NCBP2L: variants seen among roughly 807,000 people sequenced by gnomAD.
NCBP2L encodes nuclear cap-binding protein subunit 2-like.
For synonymous variants in NCBP2L, 39 were observed against 19.2 expected (o/e 2.04, Z -2.70); for missense variants, 95 against 53.1 (o/e 1.79, Z -2.45).
intron 1 of NCBP2L, among the ~76,000 whole-genome samples, chrX:107,782,264 TATATATATATAAATATATATAA>T (rs1930318395): frequency 6.5e-5 from 1 of 15,484 alleles, no homozygotes; most frequent in African/African-American, 7.6e-4. Context: ...TATATATAAA[TATATATATATAAATATATATAA>T]ATATATATAT....
intron 1 of NCBP2L, among the ~76,000 whole-genome samples, chrX:107,780,830 A>G (rs770323884): frequency 9.2e-6 from 1 of 109,123 alleles, no homozygotes; most frequent in African/African-American, 3.3e-5. Context: ...GGGTTGCTCC[A>G]TGTTGCCCAG....
chrX:107,785,047 A>AAG (rs1268882086), intron 1 of NCBP2L, among the ~76,000 whole-genome samples: 1 of 108,300 alleles, frequency 9.2e-6, no homozygotes, highest in African/African-American at 3.4e-5. Flanking sequence ...GAAAGAAAGA[A>AAG]AGAAGGAAAG....
intron 1 of NCBP2L, among the ~76,000 whole-genome samples, chrX:107,788,274 T>C (rs1015795530): frequency 8.9e-6 from 1 of 112,124 alleles, no homozygotes; most frequent in Admixed American, 9.4e-5. Context: ...AGCAGGTAGG[T>C]GTTCATTGCA....
intron 1 of NCBP2L, among the ~76,000 whole-genome samples, chrX:107,790,223 T>A (rs1359631411): frequency 8.9e-6 from 1 of 112,102 alleles, no homozygotes; most frequent in Non-Finnish European, 1.9e-5. Context: ...TAAGTATCTA[T>A]CTGAGATGTG....
rs747681088 is a variant in NCBP2L at position 107,787,996 on chromosome X, C to T, written c.-72-6153C>T. On this transcript the variant is annotated intron_variant, in intron 1 of 1. Transcript: ENST00000509000. Reference sequence around the variant, plus strand: ...CTTTATTTTGCCACCTCCTCTCCTCCGTCCTCTTAGGATTTTGACTGATCA... The same window carrying T: ...CTTTATTTTGCCACCTCCTCTCCTCTGTCCTCTTAGGATTTTGACTGATCA... Among the ~76,000 whole-genome samples, 16 of 112,284 alleles carry T rather than the reference C, an allele frequency of 1.4e-4. No individual in the cohort carries two copies. In the East Asian group the frequency reaches 4.4e-3, roughly 31 times the overall value.
intron 1 of NCBP2L, among the ~76,000 whole-genome samples, chrX:107,793,411 T>A (rs1336693872): frequency 1.8e-5 from 2 of 111,757 alleles, no homozygotes; most frequent in Admixed American, 1.9e-4. Flanking sequence ...TGCCTCCCTA[T>A]AATAACATTG....
chrX:107,794,602 T>A lies in NCBP2L; in HGVS notation c.382T>A (p.Ser128Thr), dbSNP rs770978458. 148 of 567,578 alleles carry A rather than the reference T, an allele frequency of 2.6e-4. 1 individual carries two copies. In the South Asian group the frequency reaches 3.2e-3, roughly 12 times the overall value. 46.8% of individuals were successfully genotyped at this position (567,578 alleles called of 1,213,427 possible). Residue 128 changes from serine (S) to threonine (T), a missense_variant, in exon 2 of 2, where the codon TCT (serine) becomes ACT (threonine). Physicochemically the swap from Ser to Thr is moderately conservative, Grantham distance 58 (BLOSUM62 1). Coordinates refer to ENST00000509000, the MANE Select transcript of NCBP2L (RefSeq NM_001348372.2). ...GGGTCAACAGTATGGTCGCGGTAAA[T>A]CTGGGGGTCAGGTAAGGGATGAGTT... is the stretch of plus-strand genomic sequence containing the variant. ...REGQQYGRGKSGGQVRDEFRE... is the reference protein window; with the variant it reads ...REGQQYGRGKTGGQVRDEFRE...
intron 1 of NCBP2L, among the ~76,000 whole-genome samples, chrX:107,782,274 T>A (rs1233165000): frequency 4.7e-5 from 1 of 21,256 alleles, no homozygotes; most frequent in Non-Finnish European, 6.1e-5. Context: ...TATATATATA[T>A]AAATATATAT....
intron 1 of NCBP2L, among the ~76,000 whole-genome samples, chrX:107,791,140 G>T (rs901333173): frequency 1.8e-5 from 2 of 112,442 alleles, no homozygotes; most frequent in African/African-American, 3.2e-5. Flanking sequence ...ATAAAGTAGA[G>T]GATGCCCCAC....
intron 1 of NCBP2L, among the ~76,000 whole-genome samples, chrX:107,787,722 G>A (rs914332467): frequency 2.7e-5 from 3 of 111,874 alleles, no homozygotes; most frequent in Non-Finnish European, 5.6e-5. Context: ...CACCCATTAG[G>A]AACAGTCTTA....
intron 1 of NCBP2L, among the ~76,000 whole-genome samples, chrX:107,789,126 T>A (rs2147807931): frequency 9.2e-6 from 1 of 108,906 alleles, no homozygotes; most frequent in East Asian, 2.9e-4. Flanking sequence ...CATTTTCCTG[T>A]CCTAACCCCA....
rs747673302 is a variant in NCBP2L, at chrX:107,788,745, G to C, written c.-72-5404G>C. 8.9e-5 allele frequency among the ~76,000 whole-genome samples: 10 copies of C among 111,826 alleles called. No homozygotes were observed. In the East Asian group the frequency reaches 2.5e-3, roughly 28 times the overall value. ...TCTAGTGAGTACCTACTTTGGGTCA[G>C]GTACCTAACATCAACTAGAAACCTC... is the stretch of plus-strand genomic sequence containing the variant. On this transcript the variant is annotated intron_variant, in intron 1 of 1. Transcript: ENST00000509000.
At chrX:107,787,329 T>C (rs570711557) in intron 1 of NCBP2L, among the ~76,000 whole-genome samples, 47 of 112,493 alleles carry the variant, frequency 4.2e-4, no homozygotes, top group African/African-American at 1.4e-3. Flanking sequence ...TCTTTTCTCC[T>C]GTAGCCTGTC....
intron 1 of NCBP2L, among the ~76,000 whole-genome samples, chrX:107,779,141 T>A (rs1220315131): frequency 2.7e-5 from 3 of 111,929 alleles, no homozygotes; most frequent in African/African-American, 9.8e-5. Context: ...GCTGGTATAG[T>A]TATAGAAGTG....
rs1278346261 is a variant in NCBP2L at position 107,781,779 on chromosome X, G to GAT, written c.-73+3922_-73+3923dup. 9.7e-3 allele frequency among the ~76,000 whole-genome samples: 788 copies of GAT among 80,944 alleles called. 4 individuals carry two copies. The highest frequency in any genetic ancestry group is 0.012 in the Non-Finnish European group (526 of 42,272). The allele number at this position is 80,944 out of a possible 115,157, so 70.3% of individuals were successfully genotyped here. A position where few individuals can be genotyped will look rare whatever the true frequency, so the allele number is the denominator to read the frequency against. ...AGATCTATAGATATCTATATATATA[G>GAT]ATCTATAGATATCTATATTTATATA... On this transcript the variant is annotated intron_variant, in intron 1 of 1. Transcript: ENST00000509000.
intron 1 of NCBP2L, among the ~76,000 whole-genome samples, chrX:107,783,369 T>TTA (rs1930351916): frequency 4.0e-5 from 4 of 98,792 alleles, no homozygotes; most frequent in African/African-American, 1.6e-4. Context: ...TTTTTTTTTT[T>TTA]TTTTTTTTTT....
chrX:107,782,956 T>C (rs974897120), intron 1 of NCBP2L, among the ~76,000 whole-genome samples: 3 of 108,698 alleles, frequency 2.8e-5, no homozygotes, highest in East Asian at 2.9e-4. Context: ...TATATATATA[T>C]ACACACCCCA....
intron 1 of NCBP2L, among the ~76,000 whole-genome samples, chrX:107,783,046 T>C (rs1382160423): frequency 9.1e-6 from 1 of 109,807 alleles, no homozygotes; most frequent in Non-Finnish European, 1.9e-5. Context: ...GGATAAAAAC[T>C]CATTTTTATC....
At chrX:107,782,250 A>AAT (rs1187206249) in intron 1 of NCBP2L, among the ~76,000 whole-genome samples, 45 of 4,121 alleles carry the variant, frequency 0.011, 7 homozygotes, top group African/African-American at 0.052. Flanking sequence ...TATATATATA[A>AAT]ATATATATAT....
Sources: gnomAD v4.1 joint callset for allele counts (sites outside exome capture counted in the v4.1 genomes callset) on GRCh38, gnomAD v4.1.1 for gene constraint, MANE v1.5 for transcripts, NCBI Gene and HGNC (gene_info 2026-07-23, HGNC 2026-07-21) for gene names.